GNPDA2: variants seen among roughly 807,000 people sequenced by gnomAD.
The protein encoded by GNPDA2 is glucosamine-6-phosphate deaminase 2, also known as glcN6P deaminase 2.
GNPDA2 carries 24 observed loss-of-function variants against 27.0 expected under a neutral mutation model. The observed-to-expected ratio is 0.89, with a 90% CI of 0.64 to 1.25. The LOEUF is 1.25. GNPDA2 is among the 50% of genes most tolerant of loss of function. The probability of loss-of-function intolerance (pLI) is 0.00; values close to 1 mark genes in which losing one functional copy is unlikely to be tolerated. For missense variants in GNPDA2, 286 were observed against 335.1 expected, an observed-to-expected ratio of 0.85 and a Z score of 1.14; for synonymous variants, 94 against 108.4, an observed-to-expected ratio of 0.87 and a Z score of 0.83.
chr4:44,717,406 T>G (rs898453713), intron 3 of GNPDA2, 111 bp from the exon 4 acceptor site: 1 of 569,192 alleles, frequency 1.8e-6, no homozygotes, highest in African/African-American at 1.9e-5. Context: ...TATACCATAT[T>G]CAATTTAAAA....
At chr4:44,720,305 CAT>C (rs1275302788) in intron 2 of GNPDA2, among the ~76,000 whole-genome samples, 1 of 152,174 alleles carries the variant, frequency 6.6e-6, no homozygotes, top group Non-Finnish European at 1.5e-5. Context: ...TGCCAAATGT[CAT>C]ATGGCTGTGA....
chr4:44,718,369 G>T lies in GNPDA2; in HGVS notation c.166C>A (p.His56Asn). 1.4e-6 allele frequency: 2 copies of T among 1,383,036 alleles called. No individual in the cohort carries two copies. The highest frequency in any genetic ancestry group is 1.5e-5 in the African/African-American group (1 of 67,472). 85.7% of individuals were successfully genotyped at this position (1,383,036 alleles called of 1,614,324 possible). A position where few individuals can be genotyped will look rare whatever the true frequency, so the allele number is the denominator to read the frequency against. ...TTAAAAGAAAGGTGTCCATTCTTAT[G>T]ATATTCTATTAGTTTTTTATAGCAT... ...LGCYKKLIEYHKNGHLSFKYV... is the reference protein window; with the variant it reads ...LGCYKKLIEYNKNGHLSFKYV... The change falls in exon 3 of 7, where the codon CAT becomes AAT. Residue 56 changes from histidine (H) to asparagine (N), a missense_variant. By Grantham distance (68) the His-to-Asn change is moderately conservative (BLOSUM62 1). Coordinates refer to ENST00000295448, the MANE Select transcript of GNPDA2 (RefSeq NM_138335.3).
At chr4:44,704,757 C>T (rs1335536498) in intron 6 of GNPDA2, 8 of 984,380 alleles carry the variant, frequency 8.1e-6, no homozygotes, top group Non-Finnish European at 9.6e-6. Flanking sequence ...GTCACAGATT[C>T]TAACCAATGT....
intron 6 of GNPDA2, chr4:44,705,329 AATG>A (rs1295543997): frequency 1.0e-6 from 1 of 984,934 alleles, no homozygotes; most frequent in African/African-American, 1.7e-5. Flanking sequence ...AATGCTGTAA[AATG>A]AGGCCCATAT....
chr4:44,726,017 C>T (rs928931445), intron 1 of GNPDA2, among the ~76,000 whole-genome samples: 3 of 152,122 alleles, frequency 2.0e-5, no homozygotes, highest in Non-Finnish European at 4.4e-5. Flanking sequence ...GTCCTGAAAG[C>T]GTAAGGGTGG....
chr4:44,705,198 T>C (rs895309991), intron 6 of GNPDA2: 9 of 980,602 alleles, frequency 9.2e-6, no homozygotes, highest in African/African-American at 3.5e-5. Context: ...ATGACAATTA[T>C]AGGAATTTAC....
At chr4:44,707,345 T>C (rs1716669016) in intron 6 of GNPDA2, 1 of 210,732 alleles carries the variant, frequency 4.7e-6, no homozygotes, top group South Asian at 1.9e-4. Context: ...AGATCTCTTA[T>C]CCACTGATTA....
chr4:44,715,614 C>T (rs1448159715), intron 4 of GNPDA2, among the ~76,000 whole-genome samples: 1 of 151,958 alleles, frequency 6.6e-6, no homozygotes, highest in Non-Finnish European at 1.5e-5. Context: ...ACTGTCTAGC[C>T]TGAATATTGG....
At chr4:44,713,479 G>T (rs2109707190) in intron 4 of GNPDA2, among the ~76,000 whole-genome samples, 1 of 152,234 alleles carries the variant, frequency 6.6e-6, no homozygotes, top group Non-Finnish European at 1.5e-5. Context: ...ATTTACTTTT[G>T]ATCCCATTAG....
chr4:44,701,866 C>T lies in GNPDA2; in HGVS notation c.*1215G>A, dbSNP rs1313775834. 2 of 980,112 alleles carry T rather than the reference C, an allele frequency of 2.0e-6. No homozygotes were observed. The highest frequency in any genetic ancestry group is 1.2e-4 in the Admixed American group (2 of 16,242). 60.7% of individuals were successfully genotyped at this position (980,112 alleles called of 1,614,324 possible). On this transcript the variant is annotated 3_prime_UTR_variant, in exon 7 of 7. Coordinates refer to ENST00000295448, the MANE Select transcript of GNPDA2 (RefSeq NM_138335.3). ...ACTTTTAACCATAAAACCCTATTAC[C>T]AATTTTATTTCATTAATTTATTTGC...
intron 4 of GNPDA2, among the ~76,000 whole-genome samples, chr4:44,712,576 A>C (rs1281849862): frequency 6.6e-6 from 1 of 152,110 alleles, no homozygotes; most frequent in Non-Finnish European, 1.5e-5. Flanking sequence ...AGATTTGTAA[A>C]AGTGTTCTGT....
rs1044639216 is a variant in GNPDA2, at chr4:44,702,344, T to C, written c.*737A>G. 2.1e-5 allele frequency: 17 copies of C among 826,718 alleles called. No individual in the cohort carries two copies. In the African/African-American group the frequency reaches 2.4e-4, roughly 12 times the overall value. 51.2% of individuals were successfully genotyped at this position (826,718 alleles called of 1,614,324 possible). A position where few individuals can be genotyped will look rare whatever the true frequency, so the allele number is the denominator to read the frequency against. On this transcript the variant is annotated 3_prime_UTR_variant, in exon 7 of 7. Coordinates refer to ENST00000295448, the MANE Select transcript of GNPDA2 (RefSeq NM_138335.3). ...AATCAGAAAATATTCTCCAAAAGAATTTCCTGAAGTGGCTTGCTAGGTATA... is the reference window on the plus strand; with the variant it reads ...AATCAGAAAATATTCTCCAAAAGAACTTCCTGAAGTGGCTTGCTAGGTATA...
chr4:44,725,033 G>GA (rs915984403), intron 1 of GNPDA2, among the ~76,000 whole-genome samples: 3 of 151,632 alleles, frequency 2.0e-5, no homozygotes, highest in Non-Finnish European at 4.4e-5. Flanking sequence ...TAATAAAACG[G>GA]AAAAAAAATA....
intron 1 of GNPDA2, among the ~76,000 whole-genome samples, chr4:44,723,395 A>C (rs984823610): frequency 6.6e-6 from 1 of 151,940 alleles, no homozygotes; most frequent in African/African-American, 2.4e-5. Context: ...TCATCTACCC[A>C]CTCCTACTCC....
Position 44,702,867 on chromosome 4 carries a change from A to C in GNPDA2, c.*214T>G. The C allele has an allele frequency of 7.2e-7, 1 of 1,388,674 alleles. No individual in the cohort carries two copies. The highest frequency in any genetic ancestry group is 9.3e-7 in the Non-Finnish European group (1 of 1,079,354). The allele number at this position is 1,388,674 out of a possible 1,614,324, so 86.0% of individuals were successfully genotyped here. ...ATGTGACTTCAGTACTTTATAATAAATAGCCAGTCAATCTTGAGAGCCAGC... is the reference window on the plus strand; with the variant it reads ...ATGTGACTTCAGTACTTTATAATAACTAGCCAGTCAATCTTGAGAGCCAGC... On this transcript the variant is annotated 3_prime_UTR_variant, in exon 7 of 7. Transcript: ENST00000295448.
chr4:44,722,377 A>C (rs945371037), intron 1 of GNPDA2, 135 bp from the exon 2 acceptor site: 3 of 619,180 alleles, frequency 4.8e-6, no homozygotes, highest in African/African-American at 3.7e-5. Flanking sequence ...ACATTACTGA[A>C]GAAGGACATG....
chr4:44,709,660 T>A (rs1449855210), intron 5 of GNPDA2, among the ~76,000 whole-genome samples: 2 of 152,134 alleles, frequency 1.3e-5, no homozygotes, highest in Non-Finnish European at 2.9e-5. Context: ...TCCCATAAAC[T>A]GATATAAGTG....
rs1994692 is a variant in GNPDA2 at position 44,726,497 on chromosome 4, T to G, written c.-59A>C. On this transcript the variant is annotated 5_prime_UTR_variant, in exon 1 of 7. Transcript: ENST00000295448. Reference sequence around the variant, plus strand: ...ACCGGCAGACCCAATGGTTCTTCGATGCTGGAACAGCGGGAACAAGCAACA... The same window carrying G: ...ACCGGCAGACCCAATGGTTCTTCGAGGCTGGAACAGCGGGAACAAGCAACA... 6.6e-6 allele frequency: 1 copy of G among 152,358 alleles called. No individual in the cohort carries two copies. The highest frequency in any genetic ancestry group is 1.5e-5 in the Non-Finnish European group (1 of 68,192). The allele number at this position is 152,358 out of a possible 1,614,324, so 9.4% of individuals were successfully genotyped here. A position where few individuals can be genotyped will look rare whatever the true frequency, so the allele number is the denominator to read the frequency against.
At chr4:44,704,971 T>C in intron 6 of GNPDA2, 1 of 984,308 alleles carries the variant, frequency 1.0e-6, no homozygotes, top group Non-Finnish European at 1.2e-6. Context: ...CTAAACTTGT[T>C]GTCTTGTGAT....
Sources: allele counts gnomAD v4.1 joint callset (sites outside exome capture counted in the v4.1 genomes callset), GRCh38; gene constraint gnomAD v4.1.1; transcripts MANE v1.5; gene names NCBI Gene and HGNC (gene_info 2026-07-23, HGNC 2026-07-21).